The following SHANK2 variants were observed in gnomAD, a reference collection of about 807,000 sequenced individuals.
SHANK2 encodes the protein SH3 and multiple ankyrin repeat domains protein 2.
SHANK2 carries 43 observed loss-of-function variants against 133.7 expected under a neutral mutation model. That is an observed-to-expected ratio of 0.32 (90% CI 0.25 to 0.41). The LOEUF is 0.41. Ranked by LOEUF, SHANK2 falls within the 10% of genes least tolerant of loss-of-function variation. SHANK2 has a pLI of 1.00. For missense variants in SHANK2, 1,994 were observed against 2,235.8 expected (o/e 0.89, Z 2.18); for synonymous variants, 1,017 against 952.8 (o/e 1.07, Z -1.24).
chr11:70,616,277 G>T (rs1466569049), intron 17 of SHANK2, among the ~76,000 whole-genome samples: 5 of 152,134 alleles, frequency 3.3e-5, no homozygotes, highest in Admixed American at 2.0e-4. Flanking sequence ...AAGTCTCAAT[G>T]AGCAGAAGGC....
intron 2 of SHANK2, among the ~76,000 whole-genome samples, chr11:71,167,827 G>A (rs12807983): frequency 0.21 from 28,834 of 140,582 alleles, 3,181 homozygotes; most frequent in Non-Finnish European, 0.28. Context: ...CGGACGGGGC[G>A]GCCGGCCAGG....
intron 14 of SHANK2, among the ~76,000 whole-genome samples, chr11:70,734,617 C>T (rs557877466): frequency 6.6e-6 from 1 of 152,340 alleles, no homozygotes; most frequent in Admixed American, 6.5e-5. Flanking sequence ...CAGCCAGGGC[C>T]CCCCGACCAA....
At chr11:70,822,892 G>C (rs1198542721) in intron 11 of SHANK2, among the ~76,000 whole-genome samples, 4 of 41,784 alleles carry the variant, frequency 9.6e-5, no homozygotes, top group Admixed American at 6.3e-4. Context: ...ACTGGCAGAG[G>C]TCACGGGGGA....
chr11:70,506,113 C>T (rs1188265396), intron 17 of SHANK2, among the ~76,000 whole-genome samples: 1 of 152,144 alleles, frequency 6.6e-6, no homozygotes, highest in Non-Finnish European at 1.5e-5. Context: ...GGGAATGAGC[C>T]ACTCATGGGG....
chr11:70,652,602 G>C (rs2061350479), intron 17 of SHANK2, among the ~76,000 whole-genome samples: 1 of 152,078 alleles, frequency 6.6e-6, no homozygotes, highest in Non-Finnish European at 1.5e-5. Context: ...TTGAGGCCAG[G>C]AGTTTGAGAC....
chr11:71,085,627 TATA>T (rs1325342783), intron 8 of SHANK2, among the ~76,000 whole-genome samples: 1 of 68,122 alleles, frequency 1.5e-5, no homozygotes, highest in Non-Finnish European at 2.5e-5. Flanking sequence ...TATTATATAT[TATA>T]ATATATATAA....
At chr11:71,058,710 C>T (rs1950950755) in intron 9 of SHANK2, among the ~76,000 whole-genome samples, 2 of 152,206 alleles carry the variant, frequency 1.3e-5, no homozygotes, top group South Asian at 4.1e-4. Context: ...GTCTAGTGTA[C>T]AGACAACAGG....
At chr11:71,102,303 T>C (rs1555096782) in intron 6 of SHANK2, among the ~76,000 whole-genome samples, 1 of 152,044 alleles carries the variant, frequency 6.6e-6, no homozygotes, top group African/African-American at 2.4e-5. Flanking sequence ...CTTAATAAAA[T>C]TTACATTTAG....
At chr11:71,094,233 G>A (rs1215930313) in intron 7 of SHANK2, among the ~76,000 whole-genome samples, 1 of 152,166 alleles carries the variant, frequency 6.6e-6, no homozygotes, top group African/African-American at 2.4e-5. Flanking sequence ...TCCTGTGGAT[G>A]GGGTTGGGGT....
chr11:70,809,597 G>A (rs1328961113), intron 12 of SHANK2, among the ~76,000 whole-genome samples: 2 of 152,168 alleles, frequency 1.3e-5, no homozygotes, highest in Admixed American at 6.5e-5. Context: ...GTGAGATCTG[G>A]CCATGGGGAC....
intron 6 of SHANK2, among the ~76,000 whole-genome samples, chr11:71,102,299 A>C (rs1951727317): frequency 6.6e-6 from 1 of 152,054 alleles, no homozygotes; most frequent in East Asian, 1.9e-4. Flanking sequence ...GTTACTTAAT[A>C]AAATTTACAT....
chr11:71,151,884 TG>T (rs1466744648), intron 2 of SHANK2, among the ~76,000 whole-genome samples: 11 of 152,030 alleles, frequency 7.2e-5, no homozygotes, highest in Non-Finnish European at 1.5e-4. Context: ...ACACGCTGGG[TG>T]GGAGGCCAGG....
At chr11:71,245,978 T>G (rs1157755524) in intron 1 of SHANK2, among the ~76,000 whole-genome samples, 1 of 151,784 alleles carries the variant, frequency 6.6e-6, no homozygotes, top group African/African-American at 2.4e-5. Context: ...CCCAGGGACA[T>G]TTGTGCGGGG....
chr11:71,143,538 C>A (rs1555106166), intron 3 of SHANK2, among the ~76,000 whole-genome samples: 1 of 152,148 alleles, frequency 6.6e-6, no homozygotes, highest in African/African-American at 2.4e-5. Flanking sequence ...CATGGAATGT[C>A]ATTCTCACAT....
chr11:70,886,491 C>A (rs1193562594), intron 11 of SHANK2, among the ~76,000 whole-genome samples: 2 of 152,216 alleles, frequency 1.3e-5, no homozygotes, highest in Non-Finnish European at 2.9e-5. Flanking sequence ...CTTGCAAACA[C>A]AAAGGCTATT....
At chr11:70,872,803 G>A (rs928013088) in intron 11 of SHANK2, among the ~76,000 whole-genome samples, 1 of 152,106 alleles carries the variant, frequency 6.6e-6, no homozygotes. Context: ...AAGGGTCGTG[G>A]GGGCTGCTTT....
chr11:70,536,726 C>T (rs759719820), intron 17 of SHANK2, among the ~76,000 whole-genome samples: 3 of 152,194 alleles, frequency 2.0e-5, no homozygotes, highest in Non-Finnish European at 4.4e-5. Context: ...GTGCACCGTG[C>T]CACCTTTTGT....
chr11:70,646,349 G>A (rs2061260694), intron 17 of SHANK2: 1 of 152,324 alleles, frequency 6.6e-6, no homozygotes, highest in African/African-American at 2.4e-5. Context: ...CCAAGGCAAA[G>A]TGCCCAATCA....
intron 17 of SHANK2, among the ~76,000 whole-genome samples, chr11:70,533,528 T>C (rs1307526267): frequency 6.6e-6 from 1 of 152,224 alleles, no homozygotes. Flanking sequence ...CCATGTCATC[T>C]GGCCCCTCCC....
Sources: gnomAD v4.1 joint callset for allele counts (sites outside exome capture counted in the v4.1 genomes callset) on GRCh38, gnomAD v4.1.1 for gene constraint, MANE v1.5 for transcripts, NCBI Gene and HGNC (gene_info 2026-07-23, HGNC 2026-07-21) for gene names.